The following KIT variants were observed in gnomAD, a reference collection of about 807,000 sequenced individuals.
KIT encodes KIT proto-oncogene, receptor tyrosine kinase.
KIT carries 16 observed loss-of-function variants against 105.7 expected under a neutral mutation model. The observed-to-expected ratio is 0.15, with a 90% CI of 0.10 to 0.23. The LOEUF is 0.23. KIT is among the 10% of genes least tolerant of loss of function. KIT has a pLI of 1.00. For synonymous variants in KIT, 438 were observed against 441.1 expected (o/e 0.99, Z 0.09); for missense variants, 858 against 1,213.8 (o/e 0.71, Z 4.36).
At chr4:54,679,531 T>C (rs545453758) in intron 1 of KIT, among the ~76,000 whole-genome samples, 95 of 152,222 alleles carry the variant, frequency 6.2e-4, no homozygotes, top group Admixed American at 5.3e-3. Context: ...GTCTGTTCAG[T>C]GTGGGATGGA....
chr4:54,737,095 C>T, intron 19 of KIT, 80 bp from the exon 20 acceptor site: 1 of 898,108 alleles, frequency 1.1e-6, no homozygotes, highest in Non-Finnish European at 1.9e-6. Context: ...GGAATTATTA[C>T]TGAAGTTGCT....
intron 7 of KIT, among the ~76,000 whole-genome samples, chr4:54,718,284 A>T (rs1479850683): frequency 6.6e-6 from 1 of 152,134 alleles, no homozygotes; most frequent in Non-Finnish European, 1.5e-5. Flanking sequence ...TATTTTTAGT[A>T]GAGATGGGAT....
At chr4:54,733,027 A>C in intron 16 of KIT, 43 bp from the exon 17 acceptor site, 1 of 1,578,838 alleles carries the variant, frequency 6.3e-7, no homozygotes, top group Middle Eastern at 1.7e-4. Flanking sequence ...TTTACAAGTT[A>C]AAATGAATTT....
Position 54,733,743 on chromosome 4 carries a change from A to G in KIT, c.2484+551A>G, listed in dbSNP as rs150719744. On this transcript the variant is annotated intron_variant, in intron 17 of 20. Transcript: ENST00000288135. The stretch of plus-strand genomic sequence containing the variant: ...AATCCTCAGAACAAACCCTTGTCCT[A>G]TAATTGCAGCACCTTCCTATTTTAA... 9.0e-4 allele frequency among the ~76,000 whole-genome samples: 137 copies of G among 152,270 alleles called. 2 individuals are homozygous for G. In the Middle Eastern group the frequency reaches 0.017, roughly 19 times the overall value.
At chr4:54,702,051 C>T (rs945161144) in intron 4 of KIT, among the ~76,000 whole-genome samples, 1 of 152,066 alleles carries the variant, frequency 6.6e-6, no homozygotes, top group African/African-American at 2.4e-5. Context: ...TAAGATCTCA[C>T]GATTAGTTAA....
chr4:54,706,350 T>C (rs1204398472), intron 5 of KIT, among the ~76,000 whole-genome samples: 1 of 152,182 alleles, frequency 6.6e-6, no homozygotes, highest in Non-Finnish European at 1.5e-5. Flanking sequence ...TTAGTTTTGC[T>C]ATTTTTAATA....
At chr4:54,672,791 T>A (rs1439723582) in intron 1 of KIT, among the ~76,000 whole-genome samples, 1 of 152,222 alleles carries the variant, frequency 6.6e-6, no homozygotes, top group Non-Finnish European at 1.5e-5. Context: ...CTTTATATCA[T>A]GGCTTTCCTG....
At position 54,738,410 on chromosome 4, in the gene KIT, A is replaced by G. The variant is rs200447603; in HGVS notation, c.2803-19A>G. The G allele has an allele frequency of 3.5e-5, 56 of 1,613,872 alleles. No homozygotes were observed. In the Middle Eastern group the frequency reaches 8.2e-4, roughly 24 times the overall value. ...CGTTGTAGGGACTGCTGTATTGACT[A>G]TGGGCTTGTTTTCTCCAGATTTACT... On this transcript the variant is annotated intron_variant, in intron 20 of 20. Transcript: ENST00000288135.
At chr4:54,678,463 T>C (rs891633782) in intron 1 of KIT, among the ~76,000 whole-genome samples, 3 of 151,152 alleles carry the variant, frequency 2.0e-5, no homozygotes, top group African/African-American at 7.3e-5. Context: ...GCAGTAATTA[T>C]AGTAGTAGTA....
At chr4:54,726,104 T>C in intron 9 of KIT, 54 bp downstream of exon 9, 1 of 1,412,958 alleles carries the variant, frequency 7.1e-7, no homozygotes, top group Non-Finnish European at 1.0e-6. Flanking sequence ...GTCTACCATA[T>C]CAGTCATGAT....
At position 54,697,343 on chromosome 4, in the gene KIT, A is replaced by C. The variant is rs117620722; in HGVS notation, c.338-941A>C. ...TGATGTCAAGTTCATTTTGTGAAACACCTGAGTTTCAGATGGAAAGGACAG... is the reference window on the plus strand; with the variant it reads ...TGATGTCAAGTTCATTTTGTGAAACCCCTGAGTTTCAGATGGAAAGGACAG... On this transcript the variant is annotated intron_variant, in intron 2 of 20. Transcript: ENST00000288135. Among the ~76,000 whole-genome samples, 33 of 152,374 alleles carry C rather than the reference A, an allele frequency of 2.2e-4. No individual in the cohort carries two copies. In the East Asian group the frequency reaches 4.0e-3, roughly 19 times the overall value.
At chr4:54,662,595 C>T (rs1459666298) in intron 1 of KIT, among the ~76,000 whole-genome samples, 1 of 152,124 alleles carries the variant, frequency 6.6e-6, no homozygotes, top group Non-Finnish European at 1.5e-5. Context: ...GTTTTAAAGA[C>T]AGTATCTTGC....
At chr4:54,712,654 AG>A (rs1011426981) in intron 7 of KIT, among the ~76,000 whole-genome samples, 1 of 152,158 alleles carries the variant, frequency 6.6e-6, no homozygotes, top group African/African-American at 2.4e-5. Context: ...AGTTTTAATC[AG>A]TGCTGCTGGT....
At chr4:54,705,137 A>T (rs928851212) in intron 5 of KIT, among the ~76,000 whole-genome samples, 38 of 152,366 alleles carry the variant, frequency 2.5e-4, no homozygotes, top group African/African-American at 8.9e-4. Flanking sequence ...GAGCATGTTG[A>T]TATATCAGCT....
chr4:54,674,838 A>G (rs1383110533), intron 1 of KIT, among the ~76,000 whole-genome samples: 2 of 152,198 alleles, frequency 1.3e-5, no homozygotes, highest in Admixed American at 6.5e-5. Flanking sequence ...TCTGAGAAAA[A>G]TTTATAAGAA....
chr4:54,715,665 C>A (rs1721441679), intron 7 of KIT, among the ~76,000 whole-genome samples: 1 of 152,060 alleles, frequency 6.6e-6, no homozygotes. Context: ...AAGATCTGTC[C>A]CCATGACCCA....
intron 14 of KIT, among the ~76,000 whole-genome samples, chr4:54,729,816 A>G (rs1011312994): frequency 2.0e-5 from 3 of 152,156 alleles, no homozygotes; most frequent in Non-Finnish European, 4.4e-5. Context: ...TTGGTACTAC[A>G]TGCATGTTTC....
chr4:54,684,571 C>T (rs1719180592), intron 1 of KIT, among the ~76,000 whole-genome samples: 1 of 152,118 alleles, frequency 6.6e-6, no homozygotes, highest in Non-Finnish European at 1.5e-5. Flanking sequence ...CTGGAAGCAC[C>T]CTGTGTCTTC....
intron 13 of KIT, among the ~76,000 whole-genome samples, chr4:54,729,093 G>T (rs923989897): frequency 6.2e-4 from 95 of 152,122 alleles, no homozygotes; most frequent in African/African-American, 2.3e-3. Context: ...GTCATGCTTG[G>T]CTCCAAATAC....
Sources: allele counts gnomAD v4.1 joint callset (sites outside exome capture counted in the v4.1 genomes callset), GRCh38; gene constraint gnomAD v4.1.1; transcripts MANE v1.5; gene names NCBI Gene and HGNC (gene_info 2026-07-23, HGNC 2026-07-21).